IL21R: variants seen among roughly 807,000 people sequenced by gnomAD.
The protein encoded by IL21R is interleukin-21 receptor.
IL21R carries 14 observed loss-of-function variants against 41.3 expected under a neutral mutation model. The observed-to-expected ratio is 0.34, with a 90% CI of 0.22 to 0.53. The LOEUF (loss-of-function observed/expected upper bound fraction) is 0.53. IL21R is among the 20% of genes least tolerant of loss of function. The pLI is 0.94. For synonymous variants in IL21R, 286 were observed against 287.6 expected (o/e 0.99, Z 0.05); for missense variants, 588 against 681.6 (o/e 0.86, Z 1.53).
chr16:27,451,402 TAA>T lies in IL21R; in HGVS notation c.*2121_*2122del, dbSNP rs576826198. ...CCACCTTTGAAGGGAACTCAGCTTA[TAA>T]ACACAGAGGAGCAAAGTTGGAGGGC... is the stretch of plus-strand genomic sequence containing the variant. On this transcript the variant is annotated 3_prime_UTR_variant, in exon 9 of 9. Transcript: ENST00000337929. The T allele has an allele frequency of 1.8e-3, 399 of 224,352 alleles. 2 individuals are homozygous for T. Among genetic ancestry groups the T allele is most frequent in the African/African-American group, 8.5e-3 (383 of 44,840 alleles). The allele number at this position is 224,352 out of a possible 1,614,324, so 13.9% of individuals were successfully genotyped here. A position where few individuals can be genotyped will look rare whatever the true frequency, so the allele number is the denominator to read the frequency against.
At chr16:27,446,192 A>G in intron 8 of IL21R, 104 bp downstream of exon 8, 2 of 842,324 alleles carry the variant, frequency 2.4e-6, no homozygotes, top group East Asian at 2.8e-5. Context: ...ACAGGCCTAG[A>G]GCATCCAGGT....
Position 27,449,232 on chromosome 16 carries a change from G to GTGGGTGGTCATTCCTCCGCCAC in IL21R, c.1568_1589dup (p.Ser531GlyfsTer41). 6.2e-7 allele frequency: 1 copy of GTGGGTGGTCATTCCTCCGCCAC among 1,612,102 alleles called. No homozygotes were observed. The highest frequency in any genetic ancestry group is 8.5e-7 in the Non-Finnish European group (1 of 1,179,554). The stretch of plus-strand genomic sequence containing the variant: ...GACCCCCCCGGAGCTACCTCCGCCA[G>GTGGGTGGTCATTCCTCCGCCAC]TGGGTGGTCATTCCTCCGCCACTTT... On this transcript the variant is annotated frameshift_variant, in exon 9 of 9. Coordinates refer to ENST00000337929, the MANE Select transcript of IL21R (RefSeq NM_181078.3). LOFTEE classifies it high-confidence loss of function.
At chr16:27,422,323 C>T (rs1445907627) in intron 1 of IL21R, among the ~76,000 whole-genome samples, 1 of 151,964 alleles carries the variant, frequency 6.6e-6, no homozygotes, top group Non-Finnish European at 1.5e-5. Flanking sequence ...GGCTTAATGT[C>T]TTTTGTTAGT....
intron 1 of IL21R, among the ~76,000 whole-genome samples, chr16:27,417,163 C>CTTTTTTTTTTTTTTTTTTTTTCTTT (rs577149386): frequency 7.9e-6 from 1 of 126,624 alleles, no homozygotes; most frequent in Non-Finnish European, 1.6e-5. Flanking sequence ...TTTTTCTTTT[C>CTTTTTTTTTTTTTTTTTTTTTCTTT]TTTTTTTTTT....
In IL21R at chr16:27,448,810, C is replaced by T. The variant is rs1488434869; in HGVS notation, c.1144C>T (p.Leu382=). The change falls in exon 9 of 9, where the codon CTA becomes TTA. Residue 382 remains leucine, a synonymous_variant. Coordinates refer to ENST00000337929, the MANE Select transcript of IL21R (RefSeq NM_181078.3). ...GGTGTCCATTGACACAGTGACTGTG[C>T]TAGATGCAGAGGGGCCATGCACCTG... The part of the protein sequence containing the change: ...GLVSIDTVTV[L]DAEGPCTWPC... 3.7e-6 allele frequency: 6 copies of T among 1,613,310 alleles called. No homozygotes were observed. In the African/African-American group the frequency reaches 6.7e-5, roughly 18 times the overall value.
intron 1 of IL21R, among the ~76,000 whole-genome samples, chr16:27,428,302 C>T (rs1224273939): frequency 1.3e-5 from 2 of 152,248 alleles, no homozygotes; most frequent in Non-Finnish European, 2.9e-5. Flanking sequence ...TCCTGGCCCC[C>T]CAGCCTGTGC....
Position 27,451,257 on chromosome 16 carries a change from C to T in IL21R, c.*1974C>T, listed in dbSNP as rs1438407522. 4 of 230,450 alleles carry T rather than the reference C, an allele frequency of 1.7e-5. No homozygotes were observed. In the East Asian group the frequency reaches 1.8e-4, roughly 11 times the overall value. 14.3% of individuals were successfully genotyped at this position (230,450 alleles called of 1,614,324 possible). On this transcript the variant is annotated 3_prime_UTR_variant, in exon 9 of 9. Transcript: ENST00000337929. ...CCTGAGCCACAGGCTCCCAGGAAAG[C>T]AGCACAGCTCTCCTGCACCCAGAGC...
chr16:27,440,236 T>TAG (rs1204214374), intron 4 of IL21R, among the ~76,000 whole-genome samples: 9 of 86,258 alleles, frequency 1.0e-4, no homozygotes, highest in African/African-American at 4.0e-4. Context: ...TATATATATA[T>TAG]ATATATATAT....
chr16:27,411,847 C>T (rs1359843799), intron 1 of IL21R, among the ~76,000 whole-genome samples: 1 of 152,168 alleles, frequency 6.6e-6, no homozygotes, highest in African/African-American at 2.4e-5. Context: ...CCCCATATCT[C>T]TTGTATGGTT....
chr16:27,408,871 G>T (rs370022931), intron 1 of IL21R, among the ~76,000 whole-genome samples: 1 of 152,134 alleles, frequency 6.6e-6, no homozygotes, highest in Non-Finnish European at 1.5e-5. Flanking sequence ...TTCCTCAATC[G>T]TGTGACAGAA....
chr16:27,436,579 C>G (rs1393175763), intron 3 of IL21R, among the ~76,000 whole-genome samples: 1 of 152,210 alleles, frequency 6.6e-6, no homozygotes, highest in Admixed American at 6.5e-5. Context: ...AGATCCTGAA[C>G]ATCTAGGTAG....
intron 1 of IL21R, among the ~76,000 whole-genome samples, chr16:27,422,509 T>C (rs1193734086): frequency 6.6e-6 from 1 of 152,144 alleles, no homozygotes; most frequent in African/African-American, 2.4e-5. Flanking sequence ...TGGTATTTTC[T>C]ATTGACCAAT....
At chr16:27,409,799 A>G (rs2141258983) in intron 1 of IL21R, among the ~76,000 whole-genome samples, 1 of 152,266 alleles carries the variant, frequency 6.6e-6, no homozygotes, top group Non-Finnish European at 1.5e-5. Context: ...TGTCTAAACT[A>G]TTTTCAGTCC....
At chr16:27,439,535 TATACAC>T (rs2087341809) in intron 4 of IL21R, among the ~76,000 whole-genome samples, 1 of 146,110 alleles carries the variant, frequency 6.8e-6, no homozygotes, top group Admixed American at 6.8e-5. Context: ...CACACGCACA[TATACAC>T]ATACTCATAC....
At chr16:27,430,269 C>A in intron 2 of IL21R, 149 bp downstream of exon 2, 1 of 646,350 alleles carries the variant, frequency 1.5e-6, no homozygotes, top group South Asian at 1.9e-5. Flanking sequence ...TGACACGAGT[C>A]CAGTAGCCGG....
intron 4 of IL21R, among the ~76,000 whole-genome samples, chr16:27,441,150 G>A (rs1356906295): frequency 6.6e-6 from 1 of 151,972 alleles, no homozygotes; most frequent in Admixed American, 6.6e-5. Context: ...AGAAAAAGTG[G>A]AGAAGGTGAG....
chr16:27,444,042 T>G (rs911525696), intron 5 of IL21R: 1 of 152,066 alleles, frequency 6.6e-6, no homozygotes, highest in South Asian at 2.1e-4. Flanking sequence ...AGGTATCCAT[T>G]GCTAAGATGT....
Position 27,450,325 on chromosome 16 carries a change from GC to G in IL21R, c.*1044del, listed in dbSNP as rs1325703394. 2 of 231,784 alleles carry G rather than the reference GC, an allele frequency of 8.6e-6. No homozygotes were observed. The highest frequency in any genetic ancestry group is 1.7e-5 in the Non-Finnish European group (2 of 117,150). The allele number at this position is 231,784 out of a possible 1,614,324, so 14.4% of individuals were successfully genotyped here. On this transcript the variant is annotated 3_prime_UTR_variant, in exon 9 of 9. Coordinates refer to ENST00000337929, the MANE Select transcript of IL21R (RefSeq NM_181078.3). ...TTATTAAACACCAATTACGTAGCAGGCCATGGCTCATGGGACCCACCCCCCG... is the reference window on the plus strand; with the variant it reads ...TTATTAAACACCAATTACGTAGCAGGCATGGCTCATGGGACCCACCCCCCG...
At chr16:27,434,653 C>T (rs1466448337) in intron 3 of IL21R, among the ~76,000 whole-genome samples, 4 of 152,178 alleles carry the variant, frequency 2.6e-5, no homozygotes, top group South Asian at 4.1e-4. Flanking sequence ...CCACACAGGT[C>T]GGCCATGGTT....
Sources: allele counts gnomAD v4.1 joint callset (sites outside exome capture counted in the v4.1 genomes callset), GRCh38; gene constraint gnomAD v4.1.1; transcripts MANE v1.5; gene names NCBI Gene and HGNC (gene_info 2026-07-23, HGNC 2026-07-21).